Variants in NPSR1 observed in about 807,000 individuals in gnomAD.
NPSR1 encodes the protein neuropeptide S receptor.
Under a neutral mutation model 46.9 loss-of-function variants are expected in NPSR1, and 48 were observed. That is an observed-to-expected ratio of 1.02 (90% CI 0.81 to 1.30). The LOEUF (loss-of-function observed/expected upper bound fraction) is 1.30. Ranked by LOEUF, NPSR1 falls within the 50% of genes most tolerant of loss-of-function variation. The pLI, the probability that NPSR1 is intolerant of heterozygous loss-of-function variation, is 0.00. For missense variants in NPSR1, 450 were observed against 449.5 expected (o/e 1.00, Z -0.01); for synonymous variants, 176 against 168.1 (o/e 1.05, Z -0.36).
chr7:34,707,731 G>A (rs1338166871), intron 2 of NPSR1, among the ~76,000 whole-genome samples: 1 of 152,218 alleles, frequency 6.6e-6, no homozygotes, highest in African/African-American at 2.4e-5. Flanking sequence ...TGCAGCAGTG[G>A]TAGAGGGCAG....
At position 34,872,845 on chromosome 7, in the gene NPSR1, G is replaced by A. The variant is rs560927738; in HGVS notation, c.1026-5231G>A. On this transcript the variant is annotated intron_variant, in intron 8 of 8. Coordinates refer to the NPSR1 transcript ENST00000359791. ...CATGGGAATTCAAGATGAGATTTGGGTGAGGACACAGCCTAACCATATCAG... is the reference window on the plus strand; with the variant it reads ...CATGGGAATTCAAGATGAGATTTGGATGAGGACACAGCCTAACCATATCAG... Among the ~76,000 whole-genome samples, 6 of 151,926 alleles carry A rather than the reference G, an allele frequency of 3.9e-5. No homozygotes were observed. The South Asian group carries it at 1.2e-3, about 31-fold the overall frequency.
At chr7:34,742,264 C>G (rs1440308541) in intron 2 of NPSR1, among the ~76,000 whole-genome samples, 1 of 151,896 alleles carries the variant, frequency 6.6e-6, no homozygotes, top group Non-Finnish European at 1.5e-5. Flanking sequence ...ATTTCATCAC[C>G]CAGATATTAA....
At chr7:34,707,044 A>T (rs974698598) in intron 2 of NPSR1, among the ~76,000 whole-genome samples, 3 of 152,202 alleles carry the variant, frequency 2.0e-5, no homozygotes, top group Non-Finnish European at 2.9e-5. Context: ...AATTCAACTA[A>T]AAAGAATAAC....
intron 1 of NPSR1, among the ~76,000 whole-genome samples, chr7:34,662,845 G>A (rs909558904): frequency 1.3e-5 from 2 of 152,086 alleles, no homozygotes; most frequent in Admixed American, 6.5e-5. Flanking sequence ...AACTATAGAC[G>A]CTAGTATTTG....
chr7:34,838,117 A>T (rs915383141), intron 6 of NPSR1, among the ~76,000 whole-genome samples: 10 of 151,666 alleles, frequency 6.6e-5, no homozygotes, highest in African/African-American at 2.4e-4. Flanking sequence ...CTTGCTCACC[A>T]CCTTCCTCAG....
intron 3 of NPSR1, among the ~76,000 whole-genome samples, chr7:34,798,753 A>C (rs577724442): frequency 3.3e-5 from 5 of 152,342 alleles, no homozygotes; most frequent in African/African-American, 1.2e-4. Context: ...AATGTAAAAA[A>C]ATAGAAATTA....
intron 8 of NPSR1, among the ~76,000 whole-genome samples, chr7:34,857,298 T>C (rs1791072224): frequency 6.6e-6 from 1 of 151,564 alleles, no homozygotes; most frequent in Non-Finnish European, 1.5e-5. Context: ...GGGCCAAAAA[T>C]AGCCACGACA....
chr7:34,660,988 C>A (rs34128784), intron 1 of NPSR1, among the ~76,000 whole-genome samples: 3,178 of 152,284 alleles, frequency 0.021, 41 homozygotes, highest in Middle Eastern at 0.034. Flanking sequence ...CCTCAAGCTC[C>A]TTGAGTAAAA....
chr7:34,830,883 C>A lies in NPSR1; in HGVS notation c.680+3281C>A, dbSNP rs557584530. Among the ~76,000 whole-genome samples the A allele has an allele frequency of 2.0e-5, 3 of 152,234 alleles. No homozygotes were observed. The South Asian group carries it at 6.2e-4, about 32-fold the overall frequency. ...GCCTCACCTGCACTCCCAGCTCCAG[C>A]CATGGAACAAACACCCCTCTGGCCC... On this transcript the variant is annotated intron_variant, in intron 5 of 8. Transcript: ENST00000360581.
At chr7:34,831,264 A>C (rs970892847) in intron 5 of NPSR1, among the ~76,000 whole-genome samples, 11 of 149,370 alleles carry the variant, frequency 7.4e-5, no homozygotes, top group Non-Finnish European at 1.3e-4. Flanking sequence ...CACTCTCTCT[A>C]CTCTTTCTCT....
intron 2 of NPSR1, chr7:34,750,757 C>T: frequency 1.4e-6 from 1 of 693,492 alleles, no homozygotes. Flanking sequence ...CTGTGAGGGG[C>T]AGCTGTGACA....
Position 34,815,466 on chromosome 7 carries a change from G to T in NPSR1, c.478+3603G>T, listed in dbSNP as rs325468. 5.3e-5 allele frequency among the ~76,000 whole-genome samples: 8 copies of T among 152,204 alleles called. No homozygotes were observed. The South Asian group carries it at 1.2e-3, about 24-fold the overall frequency. On this transcript the variant is annotated intron_variant, in intron 4 of 8. Coordinates refer to ENST00000360581, the MANE Select transcript of NPSR1 (RefSeq NM_207172.2). ...TTTGATTAGTGTACCTGAAACTGAT[G>T]GGGCGAACAGAACCAAGTTGGAACA...
chr7:34,674,889 C>T (rs536599279), intron 1 of NPSR1, among the ~76,000 whole-genome samples: 102 of 152,300 alleles, frequency 6.7e-4, no homozygotes, highest in African/African-American at 2.4e-3. Context: ...AGAAACCCAG[C>T]TTCAGGCAAG....
At chr7:34,714,159 C>T (rs1444072397) in intron 2 of NPSR1, among the ~76,000 whole-genome samples, 1 of 152,250 alleles carries the variant, frequency 6.6e-6, no homozygotes, top group East Asian at 1.9e-4. Flanking sequence ...AGTTCCTCCT[C>T]ACTTGGGCCT....
At chr7:34,819,631 T>C (rs1483006729) in intron 4 of NPSR1, among the ~76,000 whole-genome samples, 2 of 152,150 alleles carry the variant, frequency 1.3e-5, no homozygotes, top group African/African-American at 2.4e-5. Flanking sequence ...TTTATTGCTA[T>C]TGCAGCACTA....
At chr7:34,675,011 C>A (rs1792245310) in intron 1 of NPSR1, among the ~76,000 whole-genome samples, 1 of 152,212 alleles carries the variant, frequency 6.6e-6, no homozygotes, top group African/African-American at 2.4e-5. Context: ...CTAGAGTAAG[C>A]AGGGCATGGT....
intron 2 of NPSR1, among the ~76,000 whole-genome samples, chr7:34,703,209 A>G (rs1377339912): frequency 6.6e-6 from 1 of 152,088 alleles, no homozygotes. Context: ...AATACAAAAA[A>G]TCAGCCAGGC....
intron 2 of NPSR1, among the ~76,000 whole-genome samples, chr7:34,734,167 G>A (rs560538799): frequency 6.6e-6 from 1 of 152,288 alleles, no homozygotes; most frequent in East Asian, 1.9e-4. Flanking sequence ...AAATCCAGTG[G>A]TCCTCAACTT....
At chr7:34,793,693 A>G (rs981957597) in intron 3 of NPSR1, among the ~76,000 whole-genome samples, 1 of 152,204 alleles carries the variant, frequency 6.6e-6, no homozygotes, top group Non-Finnish European at 1.5e-5. Flanking sequence ...TTGAACTGCC[A>G]TATGATCCAG....
Sources: allele counts gnomAD v4.1 joint callset (sites outside exome capture counted in the v4.1 genomes callset), GRCh38; gene constraint gnomAD v4.1.1; transcripts MANE v1.5; gene names NCBI Gene and HGNC (gene_info 2026-07-23, HGNC 2026-07-21).